Variants in PCSK5 observed in about 807,000 individuals in gnomAD.
The protein encoded by PCSK5 is prohormone convertase 5.
A neutral mutation model predicts 233.2 loss-of-function variants in PCSK5; 129 were observed. The ratio of observed to expected loss-of-function variants is 0.55; its 90% CI spans 0.48 to 0.64. PCSK5 has a LOEUF of 0.64. Ranked by LOEUF, PCSK5 falls within the 30% of genes least tolerant of loss-of-function variation. The pLI is 0.00. For missense variants in PCSK5, 2,076 were observed against 2,430.1 expected (o/e 0.85, Z 3.06); for synonymous variants, 825 against 879.2 (o/e 0.94, Z 1.09).
intron 26 of PCSK5, among the ~76,000 whole-genome samples, chr9:76,296,256 C>T (rs1040875722): frequency 2.0e-5 from 3 of 152,300 alleles, no homozygotes; most frequent in South Asian, 2.1e-4. Context: ...TGAGCCACCT[C>T]GCCCGACCTG....
At chr9:76,005,425 G>A (rs1001472562) in intron 3 of PCSK5, among the ~76,000 whole-genome samples, 1 of 152,138 alleles carries the variant, frequency 6.6e-6, no homozygotes, top group African/African-American at 2.4e-5. Context: ...ATGGTTCAAA[G>A]TAAAATACGT....
rs1587557031 is a variant in PCSK5 at position 76,053,799 on chromosome 9, A to G, written c.633-14156A>G. Among the ~76,000 whole-genome samples, 5 of 152,168 alleles carry G rather than the reference A, an allele frequency of 3.3e-5. No homozygotes were observed. The South Asian group carries it at 8.3e-4, about 25-fold the overall frequency. ...TGTCTTCTGAGCCCTCCAAGTCTCT[A>G]GGAAGTTCCAAACCTCTGCCTGTTA... On this transcript the variant is annotated intron_variant, in intron 5 of 37. Transcript: ENST00000674117.
At chr9:76,121,706 A>G (rs1832634910) in intron 9 of PCSK5, among the ~76,000 whole-genome samples, 1 of 151,894 alleles carries the variant, frequency 6.6e-6, no homozygotes, top group African/African-American at 2.4e-5. Flanking sequence ...CTCTCCAGAG[A>G]CCCTTGGGAT....
chr9:76,338,155 C>T, intron 34 of PCSK5, 75 bp from the exon 35 acceptor site: 1 of 1,039,538 alleles, frequency 9.6e-7, no homozygotes, highest in Non-Finnish European at 1.5e-6. Context: ...TGAAACCTGA[C>T]CACCATGTTT....
chr9:76,093,303 C>CAGGCTGGT (rs1554685558), intron 7 of PCSK5, among the ~76,000 whole-genome samples: 1 of 151,842 alleles, frequency 6.6e-6, no homozygotes, highest in African/African-American at 2.4e-5. Context: ...CCCTATTGCC[C>CAGGCTGGT]AGGCTGGTCT....
chr9:76,046,171 T>TTTG (rs1563992964), intron 5 of PCSK5, among the ~76,000 whole-genome samples: 2 of 89,608 alleles, frequency 2.2e-5, no homozygotes, highest in Non-Finnish European at 4.5e-5. Flanking sequence ...TTTTTTTTTT[T>TTTG]TTTTTTTTTT....
In PCSK5 at chr9:76,321,505, C is replaced by T; in HGVS notation, c.3968C>T (p.Ser1323Phe). The T allele has an allele frequency of 3.1e-6, 5 of 1,612,376 alleles. No individual in the cohort carries two copies. The highest frequency in any genetic ancestry group is 4.2e-6 in the Non-Finnish European group (5 of 1,179,428). The change falls in exon 31 of 38, where the codon TCT (serine) becomes TTT (phenylalanine). Residue 1323 changes from serine (S) to phenylalanine (F), a missense_variant. Transcript: ENST00000674117. ...TCEGNATNCH[S>F]CEGGHVLHHG... Reference sequence around the variant, plus strand: ...GAAGGAAACGCCACCAACTGCCATTCTTGTGAAGGAGGCCACGTCCTGCAC... The same window carrying T: ...GAAGGAAACGCCACCAACTGCCATTTTTGTGAAGGAGGCCACGTCCTGCAC...
intron 20 of PCSK5, among the ~76,000 whole-genome samples, chr9:76,211,379 A>C (rs1825323749): frequency 6.6e-6 from 1 of 152,158 alleles, no homozygotes; most frequent in Non-Finnish European, 1.5e-5. Context: ...GCCTAGCTGG[A>C]TTTGGAGAGG....
intron 24 of PCSK5, among the ~76,000 whole-genome samples, chr9:76,281,179 C>T (rs1244926880): frequency 6.6e-6 from 1 of 152,226 alleles, no homozygotes; most frequent in East Asian, 1.9e-4. Flanking sequence ...ATATAGCAAA[C>T]AACAGATTTC....
chr9:76,275,727 T>C (rs1417297353), intron 24 of PCSK5, among the ~76,000 whole-genome samples: 4 of 152,132 alleles, frequency 2.6e-5, no homozygotes, highest in Non-Finnish European at 2.9e-5. Flanking sequence ...GCCTGGCTGA[T>C]GAAATACTAA....
intron 5 of PCSK5, among the ~76,000 whole-genome samples, chr9:76,028,560 G>C (rs528316348): frequency 1.3e-5 from 2 of 152,080 alleles, no homozygotes; most frequent in Non-Finnish European, 2.9e-5. Flanking sequence ...CCAGATTACC[G>C]GTCTGGGTGG....
intron 2 of PCSK5, among the ~76,000 whole-genome samples, chr9:75,960,254 C>G (rs1177257515): frequency 1.3e-5 from 2 of 152,170 alleles, no homozygotes; most frequent in Non-Finnish European, 2.9e-5. Context: ...AAGACTCAGT[C>G]AGAGCAATTG....
intron 36 of PCSK5, 128 bp downstream of exon 36, chr9:76,351,056 A>G: frequency 1.7e-6 from 1 of 586,006 alleles, no homozygotes; most frequent in Non-Finnish European, 3.0e-6. Flanking sequence ...GTGTATGTTT[A>G]GTATTTTAAA....
intron 2 of PCSK5, among the ~76,000 whole-genome samples, chr9:75,981,575 C>G (rs1826279355): frequency 6.6e-6 from 1 of 151,958 alleles, no homozygotes; most frequent in Non-Finnish European, 1.5e-5. Flanking sequence ...TTTTTAGCAA[C>G]AGGATCTCAC....
chr9:76,224,486 A>G (rs34179027), intron 20 of PCSK5, among the ~76,000 whole-genome samples: 12,656 of 151,884 alleles, frequency 0.083, 691 homozygotes, highest in Admixed American at 0.13. Context: ...CCTTTTGCAG[A>G]AGAATGGGTG....
intron 5 of PCSK5, among the ~76,000 whole-genome samples, chr9:76,056,613 T>G (rs555909268): frequency 2.0e-5 from 3 of 152,190 alleles, no homozygotes; most frequent in Non-Finnish European, 4.4e-5. Flanking sequence ...TTGTTAGTAG[T>G]AGATGATAAA....
chr9:76,202,774 C>A (rs979893321), intron 20 of PCSK5, among the ~76,000 whole-genome samples: 2 of 152,122 alleles, frequency 1.3e-5, no homozygotes, highest in African/African-American at 4.8e-5. Flanking sequence ...GAAGCCTCTA[C>A]ATTTCTTTTA....
At chr9:76,195,960 CA>C (rs1173964536) in intron 20 of PCSK5, 2 of 151,940 alleles carry the variant, frequency 1.3e-5, no homozygotes, top group African/African-American at 4.8e-5. Context: ...CCTGTTTCTA[CA>C]TAGAAGCTGA....
intron 1 of PCSK5, among the ~76,000 whole-genome samples, chr9:75,928,640 A>ATATATATATATAT (rs1564088178): frequency 1.4e-5 from 1 of 69,644 alleles, no homozygotes; most frequent in African/African-American, 5.2e-5. Flanking sequence ...TATATATATA[A>ATATATATATATAT]TCCTAGAAGG....
Sources: gnomAD v4.1 joint callset for allele counts (sites outside exome capture counted in the v4.1 genomes callset) on GRCh38, gnomAD v4.1.1 for gene constraint, MANE v1.5 for transcripts, NCBI Gene and HGNC (gene_info 2026-07-23, HGNC 2026-07-21) for gene names.